DIP2B: variants seen among roughly 807,000 people sequenced by gnomAD.
DIP2B encodes the protein DIP2 acetate--CoA ligase B (putative), also known as disco-interacting protein 2 homolog B.
A neutral mutation model predicts 198.0 loss-of-function variants in DIP2B; 76 were observed. The observed-to-expected ratio is 0.38, with a 90% CI of 0.32 to 0.46. DIP2B has a LOEUF of 0.46. DIP2B is among the 20% of genes least tolerant of loss of function. DIP2B has a pLI of 0.99. For missense variants in DIP2B, 1,559 were observed against 1,978.4 expected (o/e 0.79, Z 4.02); for synonymous variants, 701 against 739.1 (o/e 0.95, Z 0.84).
intron 2 of DIP2B, among the ~76,000 whole-genome samples, chr12:50,635,915 G>A (rs1938151895): frequency 6.6e-6 from 1 of 152,146 alleles, no homozygotes; most frequent in African/African-American, 2.4e-5. Context: ...TGAGGAGACA[G>A]ACAAGATCTT....
At chr12:50,720,780 A>G (rs1939821598) in intron 25 of DIP2B, among the ~76,000 whole-genome samples, 1 of 152,178 alleles carries the variant, frequency 6.6e-6, no homozygotes. Flanking sequence ...CAGCAAGACC[A>G]TGTCAGAACA....
intron 1 of DIP2B, among the ~76,000 whole-genome samples, chr12:50,609,334 C>T (rs1959011718): frequency 6.6e-6 from 1 of 152,174 alleles, no homozygotes; most frequent in African/African-American, 2.4e-5. Flanking sequence ...ATTTGTTGGA[C>T]AATGGGTTTA....
intron 21 of DIP2B, among the ~76,000 whole-genome samples, chr12:50,707,403 A>C (rs949827145): frequency 9.2e-5 from 14 of 152,314 alleles, no homozygotes; most frequent in Middle Eastern, 3.4e-3. Context: ...TATCCCAGCA[A>C]TCAGTAGTGC....
intron 1 of DIP2B, among the ~76,000 whole-genome samples, chr12:50,552,823 C>T (rs1471565746): frequency 6.6e-6 from 1 of 151,798 alleles, no homozygotes; most frequent in African/African-American, 2.4e-5. Context: ...AAATAAACTT[C>T]TTATGTTTAG....
At chr12:50,678,530 GACC>G (rs754146626) in intron 7 of DIP2B, 146 bp from the exon 8 acceptor site, 1 of 817,716 alleles carries the variant, frequency 1.2e-6, no homozygotes, top group Non-Finnish European at 1.9e-6. Context: ...CCAGTTTGTG[GACC>G]ACCATTTCTA....
Position 50,598,544 on chromosome 12 carries a change from C to T in DIP2B, c.101-27432C>T, listed in dbSNP as rs549719196. 3.3e-4 allele frequency among the ~76,000 whole-genome samples: 50 copies of T among 151,950 alleles called. 1 individual carries two copies. In the East Asian group the frequency reaches 8.9e-3, roughly 27 times the overall value. ...TATCCTTTTGCAACACCAAATTCCT[C>T]GTGACTGCCACTGCGTCATCTCTCT... On this transcript the variant is annotated intron_variant, in intron 1 of 37. Coordinates refer to ENST00000301180, the MANE Select transcript of DIP2B (RefSeq NM_173602.3).
intron 7 of DIP2B, among the ~76,000 whole-genome samples, chr12:50,677,068 C>A (rs1938958790): frequency 6.6e-6 from 1 of 152,184 alleles, no homozygotes; most frequent in East Asian, 1.9e-4. Context: ...ATTTCATTTG[C>A]CCATCTAAGA....
rs1390054134 is a variant in DIP2B at position 50,556,461 on chromosome 12, TTTTAAGTAAAATAAATATTACTAA to T, written c.100+51223_100+51246del. On this transcript the variant is annotated intron_variant, in intron 1 of 37. Transcript: ENST00000301180. The stretch of plus-strand genomic sequence containing the variant: ...GCCACTATGAAGACAGGTATTTACT[TTTTAAGTAAAATAAATATTACTAA>T]TAGTAAAACAGCCGTTTTACTGGGA... Among the ~76,000 whole-genome samples, 3 of 152,216 alleles carry T rather than the reference TTTTAAGTAAAATAAATATTACTAA, an allele frequency of 2.0e-5. No homozygotes were observed. The East Asian group carries it at 5.8e-4, about 29-fold the overall frequency.
chr12:50,685,432 A>G (rs1939115835), intron 10 of DIP2B, among the ~76,000 whole-genome samples: 2 of 152,190 alleles, frequency 1.3e-5, no homozygotes, highest in Admixed American at 1.3e-4. Flanking sequence ...TTTAGTATCC[A>G]TTTACATTAT....
intron 1 of DIP2B, 151 bp from the exon 2 acceptor site, chr12:50,625,825 A>C: frequency 1.3e-6 from 1 of 765,464 alleles, no homozygotes; most frequent in Non-Finnish European, 2.1e-6. Context: ...ATACATAGCA[A>C]AATCCTTGGC....
intron 35 of DIP2B, among the ~76,000 whole-genome samples, chr12:50,738,596 G>C (rs992877694): frequency 6.6e-6 from 1 of 152,032 alleles, no homozygotes; most frequent in Admixed American, 6.6e-5. Flanking sequence ...TGATTCTCCT[G>C]CCTCAGCCTC....
intron 2 of DIP2B, among the ~76,000 whole-genome samples, chr12:50,636,208 T>C (rs1420648034): frequency 6.6e-6 from 1 of 152,204 alleles, no homozygotes; most frequent in Non-Finnish European, 1.5e-5. Context: ...ACATTTCCAA[T>C]TGTAAATACT....
chr12:50,662,104 G>A (rs1037606946), intron 4 of DIP2B, among the ~76,000 whole-genome samples: 4 of 152,284 alleles, frequency 2.6e-5, no homozygotes, highest in East Asian at 1.9e-4. Flanking sequence ...CAGCCTTGAC[G>A]TTGTGGCCTA....
chr12:50,562,127 C>T (rs1247827619), intron 1 of DIP2B, among the ~76,000 whole-genome samples: 1 of 152,176 alleles, frequency 6.6e-6, no homozygotes, highest in Admixed American at 6.5e-5. Flanking sequence ...ATCTCCCTGA[C>T]CTTGACTGCC....
chr12:50,613,676 T>A (rs927534544), intron 1 of DIP2B, among the ~76,000 whole-genome samples: 14 of 152,138 alleles, frequency 9.2e-5, no homozygotes, highest in Non-Finnish European at 1.9e-4. Context: ...AGGGACTGAG[T>A]ATTAACATTT....
rs142082698 is a variant in DIP2B, at chr12:50,727,432, T to A, written c.3401-271T>A. Among the ~76,000 whole-genome samples, 86 of 152,318 alleles carry A rather than the reference T, an allele frequency of 5.6e-4. 2 individuals carry two copies. In the East Asian group the frequency reaches 0.016, roughly 28 times the overall value. ...GGTAGAGCTGGCATTTGAACAGCAG[T>A]CTGCTTCCTACTGTGTTCTGTTTCC... On this transcript the variant is annotated intron_variant, in intron 28 of 37. Transcript: ENST00000301180.
chr12:50,510,786 C>T (rs1958007822), intron 1 of DIP2B, among the ~76,000 whole-genome samples: 1 of 151,856 alleles, frequency 6.6e-6, no homozygotes, highest in African/African-American at 2.4e-5. Context: ...GCTGGGATTA[C>T]AGGCATGTGC....
intron 23 of DIP2B, among the ~76,000 whole-genome samples, chr12:50,718,396 A>G (rs1237794486): frequency 6.6e-6 from 1 of 152,176 alleles, no homozygotes; most frequent in Admixed American, 6.5e-5. Flanking sequence ...AAATTCCTGT[A>G]TACCCCAAAC....
chr12:50,650,469 C>A (rs1158093626), intron 3 of DIP2B, among the ~76,000 whole-genome samples: 1 of 152,156 alleles, frequency 6.6e-6, no homozygotes, highest in Non-Finnish European at 1.5e-5. Flanking sequence ...AACAACAACT[C>A]ATTTCCCCCT....
Sources: gnomAD v4.1 joint callset for allele counts (sites outside exome capture counted in the v4.1 genomes callset) on GRCh38, gnomAD v4.1.1 for gene constraint, MANE v1.5 for transcripts, NCBI Gene and HGNC (gene_info 2026-07-23, HGNC 2026-07-21) for gene names.